GABRB3: variants seen among roughly 807,000 people sequenced by gnomAD.
GABRB3 encodes gamma-aminobutyric acid type A receptor subunit beta3.
GABRB3 carries 14 observed loss-of-function variants against 52.1 expected under a neutral mutation model. That is an observed-to-expected ratio of 0.27 (90% CI 0.18 to 0.42). The LOEUF is 0.42. GABRB3 is among the 10% of genes least tolerant of loss of function. The probability of loss-of-function intolerance (pLI) is 1.00; values close to 1 mark genes in which losing one functional copy is unlikely to be tolerated. For synonymous variants in GABRB3, 260 were observed against 232.3 expected (o/e 1.12, Z -1.08); for missense variants, 307 against 609.1 (o/e 0.50, Z 5.22).
At chr15:26,682,188 A>C (rs1419544212) in intron 3 of GABRB3, among the ~76,000 whole-genome samples, 1 of 152,104 alleles carries the variant, frequency 6.6e-6, no homozygotes, top group African/African-American at 2.4e-5. Context: ...GTGGTGACTC[A>C]TCCACAGCAC....
chr15:26,735,364 A>G (rs1890037957), intron 3 of GABRB3, among the ~76,000 whole-genome samples: 1 of 152,232 alleles, frequency 6.6e-6, no homozygotes, highest in Non-Finnish European at 1.5e-5. Context: ...GAATTACCAT[A>G]TGAGGTAGCA....
At chr15:26,570,376 G>GTAC in intron 6 of GABRB3, among the ~76,000 whole-genome samples, 1 of 152,312 alleles carries the variant, frequency 6.6e-6, no homozygotes, top group South Asian at 2.1e-4. Context: ...ATGGGCCTGC[G>GTAC]CACCATGCAC....
intron 3 of GABRB3, among the ~76,000 whole-genome samples, chr15:26,730,042 A>G (rs975281073): frequency 1.3e-5 from 2 of 152,236 alleles, no homozygotes; most frequent in Non-Finnish European, 2.9e-5. Flanking sequence ...AGGCAGAAGC[A>G]ATATCATCTC....
chr15:26,609,048 G>C (rs1891951235), intron 4 of GABRB3, among the ~76,000 whole-genome samples: 1 of 150,848 alleles, frequency 6.6e-6, no homozygotes, highest in African/African-American at 2.5e-5. Flanking sequence ...ATCAACCTAA[G>C]TGTCCATCAA....
intron 4 of GABRB3, among the ~76,000 whole-genome samples, chr15:26,616,386 T>C (rs1297643671): frequency 6.6e-6 from 1 of 152,208 alleles, no homozygotes; most frequent in East Asian, 1.9e-4. Context: ...GAGCTACATG[T>C]TTTTTAAATA....
At chr15:26,574,466 T>A (rs560828873) in intron 6 of GABRB3, among the ~76,000 whole-genome samples, 2 of 152,342 alleles carry the variant, frequency 1.3e-5, no homozygotes, top group African/African-American at 4.8e-5. Context: ...TATACCTGAA[T>A]GTTCATAGCA....
At chr15:26,662,107 G>T (rs1052261225) in intron 3 of GABRB3, among the ~76,000 whole-genome samples, 2 of 152,132 alleles carry the variant, frequency 1.3e-5, no homozygotes, top group Non-Finnish European at 2.9e-5. Context: ...ATGAACGGAG[G>T]CTTTGGAACC....
At chr15:26,624,312 A>G (rs1892601569) in intron 3 of GABRB3, 1 of 985,438 alleles carries the variant, frequency 1.0e-6, no homozygotes, top group South Asian at 4.7e-5. Flanking sequence ...TTTCTCTACT[A>G]TCACCCTCCA....
rs1335141414 is a variant in GABRB3 at position 26,705,607 on chromosome 15, AAAAC to A, written c.240+66791_240+66794del. ...ACCTATGCTGAGCAAAAAGCAAAAC[AAAAC>A]AAACAAACAAAAAACCCAGACAAAC... On this transcript the variant is annotated intron_variant, in intron 3 of 8. Transcript: ENST00000311550. Among the ~76,000 whole-genome samples, 5 of 152,346 alleles carry A rather than the reference AAAAC, an allele frequency of 3.3e-5. No individual in the cohort carries two copies. The South Asian group carries it at 6.2e-4, about 19-fold the overall frequency.
chr15:26,757,581 T>C (rs936918646), intron 3 of GABRB3, among the ~76,000 whole-genome samples: 1 of 152,106 alleles, frequency 6.6e-6, no homozygotes, highest in African/African-American at 2.4e-5. Flanking sequence ...TATAATAGAG[T>C]TAAGCTGCCT....
intron 3 of GABRB3, among the ~76,000 whole-genome samples, chr15:26,643,385 C>T (rs967972765): frequency 2.0e-5 from 3 of 152,188 alleles, no homozygotes; most frequent in African/African-American, 7.2e-5. Flanking sequence ...ATTTTGAGCA[C>T]ATCCACCAGG....
chr15:26,655,922 C>T (rs1160015069), intron 3 of GABRB3, among the ~76,000 whole-genome samples: 1 of 152,078 alleles, frequency 6.6e-6, no homozygotes, highest in Non-Finnish European at 1.5e-5. Flanking sequence ...TAATCTGCAT[C>T]ATTGTTTTTT....
intron 8 of GABRB3, among the ~76,000 whole-genome samples, chr15:26,552,203 C>A (rs1889498485): frequency 6.6e-6 from 1 of 152,036 alleles, no homozygotes; most frequent in Non-Finnish European, 1.5e-5. Flanking sequence ...GATGGGGTTT[C>A]TCCATGTTGG....
rs938403678 is a variant in GABRB3, at chr15:26,544,100, T to C, written c.*3693A>G. On this transcript the variant is annotated 3_prime_UTR_variant, in exon 9 of 9. Transcript: ENST00000311550. The stretch of plus-strand genomic sequence containing the variant: ...CAAGAGTAACAAAATGTTTCACCAA[T>C]TGTTCAGTTTTGCTTACATAAAATG... 6 of 152,468 alleles carry C rather than the reference T, an allele frequency of 3.9e-5. No homozygotes were observed. Among genetic ancestry groups the C allele is most frequent in the African/African-American group, 1.4e-4 (6 of 41,446 alleles). The allele number at this position is 152,468 out of a possible 1,614,324, so 9.4% of individuals were successfully genotyped here. A position where few individuals can be genotyped will look rare whatever the true frequency, so the allele number is the denominator to read the frequency against.
intron 3 of GABRB3, among the ~76,000 whole-genome samples, chr15:26,714,941 T>A (rs910744850): frequency 6.6e-6 from 1 of 151,872 alleles, no homozygotes; most frequent in Non-Finnish European, 1.5e-5. Flanking sequence ...AACACAACCA[T>A]CCGCTGCCTC....
chr15:26,735,585 C>T (rs997152731), intron 3 of GABRB3, among the ~76,000 whole-genome samples: 7 of 152,168 alleles, frequency 4.6e-5, no homozygotes, highest in African/African-American at 1.7e-4. Context: ...ATTAGTCAGC[C>T]TTAAGCTGGA....
At chr15:26,564,508 G>A (rs1342836160) in intron 7 of GABRB3, among the ~76,000 whole-genome samples, 1 of 152,134 alleles carries the variant, frequency 6.6e-6, no homozygotes, top group Non-Finnish European at 1.5e-5. Context: ...AGAGCCCAAG[G>A]GTGAGCCCTC....
rs28436767 is a variant in GABRB3, at chr15:26,570,903, A to G, written c.683-3170T>C. 8.4e-3 allele frequency among the ~76,000 whole-genome samples: 1,284 copies of G among 152,254 alleles called. 20 individuals carry two copies. The highest frequency in any genetic ancestry group is 0.03 in the African/African-American group (1,229 of 41,528). ...GTCCCCAGGGCAGAATTTGTGAGGT[A>G]ATTTTTTTTATATACTACAATGCCT... On this transcript the variant is annotated intron_variant, in intron 6 of 8. Transcript: ENST00000311550.
intron 4 of GABRB3, among the ~76,000 whole-genome samples, chr15:26,604,148 T>A (rs1209537489): frequency 1.3e-5 from 2 of 151,772 alleles, no homozygotes; most frequent in Admixed American, 6.6e-5. Context: ...AAAAGAAATT[T>A]AAAAAATCCC....
Sources: allele counts gnomAD v4.1 joint callset (sites outside exome capture counted in the v4.1 genomes callset), GRCh38; gene constraint gnomAD v4.1.1; transcripts MANE v1.5; gene names NCBI Gene and HGNC (gene_info 2026-07-23, HGNC 2026-07-21).